Variants in FBXL2 observed in about 807,000 individuals in gnomAD.
FBXL2 encodes the protein F-box/LRR-repeat protein 2.
In FBXL2, 38 loss-of-function variants were observed where a neutral mutation model predicts 69.2. The observed-to-expected ratio is 0.55, with a 90% CI of 0.42 to 0.72. The LOEUF is 0.72. FBXL2 is among the 30% of genes least tolerant of loss of function. The pLI is 0.00. For synonymous variants in FBXL2, 192 were observed against 201.3 expected (o/e 0.95, Z 0.39); for missense variants, 354 against 520.3 (o/e 0.68, Z 3.11).
chr3:33,392,647 T>G, downstream of FBXL2: 1 of 1,572,142 alleles, frequency 6.4e-7, no homozygotes, highest in Non-Finnish European at 8.7e-7. Context: ...TAAGTACAAT[T>G]AAGATCCAAC....
intron 2 of FBXL2, among the ~76,000 whole-genome samples, chr3:33,342,357 A>G (rs1437893417): frequency 6.6e-6 from 1 of 151,254 alleles, no homozygotes; most frequent in African/African-American, 2.4e-5. Context: ...TTTAAAATAT[A>G]TATATATTAA....
chr3:33,421,468 C>A, the FBXL2 span, among the ~76,000 whole-genome samples: 1 of 152,128 alleles, frequency 6.6e-6, no homozygotes, highest in Non-Finnish European at 1.5e-5. Flanking sequence ...GATGGTTTCA[C>A]CACATTGGCC....
At chr3:33,379,954 T>C (rs1199255252) in intron 13 of FBXL2, among the ~76,000 whole-genome samples, 1 of 152,108 alleles carries the variant, frequency 6.6e-6, no homozygotes, top group African/African-American at 2.4e-5. Flanking sequence ...TCAAGAGGGC[T>C]GGGCACGGTG....
chr3:33,278,628 A>T (rs1370686008), intron 1 of FBXL2, among the ~76,000 whole-genome samples: 3 of 152,140 alleles, frequency 2.0e-5, no homozygotes, highest in African/African-American at 4.8e-5. Flanking sequence ...TGGGAGGTGG[A>T]TGGTGTCTCT....
chr3:33,316,802 A>G (rs942781669), intron 2 of FBXL2, among the ~76,000 whole-genome samples: 1 of 152,212 alleles, frequency 6.6e-6, no homozygotes, highest in African/African-American at 2.4e-5. Context: ...AGACAATAAA[A>G]TATGCCTTTT....
intron 2 of FBXL2, among the ~76,000 whole-genome samples, chr3:33,299,232 G>T (rs1371503722): frequency 6.6e-6 from 1 of 151,950 alleles, no homozygotes; most frequent in Non-Finnish European, 1.5e-5. Context: ...AGTAGAGACG[G>T]GGTTTCACTG....
downstream of FBXL2, chr3:33,390,278 C>A (rs531661403): frequency 5.8e-6 from 9 of 1,552,326 alleles, no homozygotes; most frequent in East Asian, 2.3e-5. Flanking sequence ...AGTCTTCACA[C>A]ACTTTTAAGC....
At chr3:33,345,735 A>G (rs1474336338) in intron 2 of FBXL2, among the ~76,000 whole-genome samples, 7 of 152,220 alleles carry the variant, frequency 4.6e-5, no homozygotes. Context: ...AATCAATAAC[A>G]GAAAGCCAAA....
chr3:33,338,369 G>A (rs940534878), intron 2 of FBXL2, among the ~76,000 whole-genome samples: 3 of 151,920 alleles, frequency 2.0e-5, no homozygotes, highest in African/African-American at 4.8e-5. Flanking sequence ...CCAAGATCAC[G>A]CCACTGCACT....
intron 2 of FBXL2, among the ~76,000 whole-genome samples, chr3:33,355,739 A>C (rs1257443817): frequency 6.6e-6 from 1 of 152,236 alleles, no homozygotes; most frequent in African/African-American, 2.4e-5. Flanking sequence ...TGTAAAGCTG[A>C]GGCTATCACA....
chr3:33,324,701 T>C (rs903294224), intron 2 of FBXL2, among the ~76,000 whole-genome samples: 1 of 152,218 alleles, frequency 6.6e-6, no homozygotes, highest in African/African-American at 2.4e-5. Flanking sequence ...TTTTGGTTAC[T>C]GTAGCCTTGT....
chr3:33,353,089 G>A (rs1441385471), intron 2 of FBXL2, among the ~76,000 whole-genome samples: 1 of 152,132 alleles, frequency 6.6e-6, no homozygotes, highest in Non-Finnish European at 1.5e-5. Context: ...AGATACCACT[G>A]TATACCTATT....
downstream of FBXL2, among the ~76,000 whole-genome samples, chr3:33,407,426 C>T (rs2044456738): frequency 6.6e-6 from 1 of 151,866 alleles, no homozygotes; most frequent in Admixed American, 6.6e-5. Context: ...AAGAAGTTTA[C>T]TAAGAACCAT....
chr3:33,383,890 A>G, intron 13 of FBXL2, 99 bp from the exon 14 acceptor site: 1 of 1,095,694 alleles, frequency 9.1e-7, no homozygotes, highest in South Asian at 1.3e-5. Flanking sequence ...GTGTCATCCC[A>G]TTGCAGAAGG....
chr3:33,420,113 C>T, the FBXL2 span, among the ~76,000 whole-genome samples: 1 of 152,110 alleles, frequency 6.6e-6, no homozygotes, highest in Admixed American at 6.5e-5. Flanking sequence ...GATGTGACAG[C>T]CCCCACTTTG....
downstream of FBXL2, chr3:33,388,727 C>G (rs1223112827): frequency 6.6e-6 from 1 of 152,204 alleles, no homozygotes; most frequent in South Asian, 2.1e-4. Flanking sequence ...GGAAAACTCT[C>G]TGCCTATAGG....
chr3:33,328,672 T>G (rs1022255875), intron 2 of FBXL2, among the ~76,000 whole-genome samples: 4 of 151,910 alleles, frequency 2.6e-5, no homozygotes, highest in Non-Finnish European at 4.4e-5. Context: ...TAGACCCCTG[T>G]CTCTCACCAG....
At chr3:33,381,412 A>G (rs2043049838) in intron 13 of FBXL2, among the ~76,000 whole-genome samples, 1 of 152,228 alleles carries the variant, frequency 6.6e-6, no homozygotes, top group South Asian at 2.1e-4. Context: ...TGGGAGGCCA[A>G]GGCGGGTGGA....
chr3:33,414,371 T>G, the FBXL2 span, among the ~76,000 whole-genome samples: 3 of 152,094 alleles, frequency 2.0e-5, no homozygotes, highest in Non-Finnish European at 2.9e-5. Flanking sequence ...AAAAGGAGAT[T>G]GACTGCATTT....
Sources: gnomAD v4.1 joint callset for allele counts (sites outside exome capture counted in the v4.1 genomes callset) on GRCh38, gnomAD v4.1.1 for gene constraint, MANE v1.5 for transcripts, NCBI Gene and HGNC (gene_info 2026-07-23, HGNC 2026-07-21) for gene names.